Variants in NCKAP5 observed in about 807,000 individuals in gnomAD.
The protein encoded by NCKAP5 is NCK associated protein 5.
NCKAP5 carries 92 observed loss-of-function variants against 167.0 expected under a neutral mutation model. That is an observed-to-expected ratio of 0.55 (90% confidence interval 0.47 to 0.66). The LOEUF (loss-of-function observed/expected upper bound fraction) is 0.66, where lower values mean the gene tolerates loss of function less well. NCKAP5 is among the 30% of genes least tolerant of loss of function. The pLI is 0.00. For missense variants in NCKAP5, 2,378 were observed against 2,315.0 expected, an observed-to-expected ratio of 1.03 and a Z score of -0.56; for synonymous variants, 891 against 877.4, an observed-to-expected ratio of 1.02 and a Z score of -0.27.
chr2:133,624,820 T>C, the NCKAP5 span, among the ~76,000 whole-genome samples: 1 of 152,174 alleles, frequency 6.6e-6, no homozygotes, highest in East Asian at 1.9e-4. Flanking sequence ...CACATATATA[T>C]CATATTCTTT....
intron 16 of NCKAP5, among the ~76,000 whole-genome samples, chr2:132,755,544 C>G (rs1680464908): frequency 6.6e-6 from 1 of 151,942 alleles, no homozygotes; most frequent in Non-Finnish European, 1.5e-5. Context: ...TTAATAATAA[C>G]TATAGGCCGG....
At chr2:133,029,469 G>C (rs550971651) in intron 6 of NCKAP5, among the ~76,000 whole-genome samples, 18 of 152,222 alleles carry the variant, frequency 1.2e-4, no homozygotes, top group Admixed American at 3.9e-4. Flanking sequence ...GGGGAGCAGG[G>C]GGAGGTTCAT....
At chr2:133,141,830 A>T (rs1040596214) in intron 5 of NCKAP5, among the ~76,000 whole-genome samples, 1 of 152,202 alleles carries the variant, frequency 6.6e-6, no homozygotes, top group African/African-American at 2.4e-5. Context: ...TGAGAAACCT[A>T]AAAATTTTAA....
intron 6 of NCKAP5, among the ~76,000 whole-genome samples, chr2:133,106,583 T>C (rs1427843833): frequency 1.3e-5 from 2 of 152,170 alleles, no homozygotes; most frequent in Non-Finnish European, 2.9e-5. Flanking sequence ...TCTGAAAACA[T>C]GTGAAGAGTG....
chr2:133,033,239 G>T lies in NCKAP5; in HGVS notation c.342-39000C>A, dbSNP rs530711158. Reference sequence around the variant, plus strand: ...GCCTGGTAATACAGAGAATTTTCCTGGGTCTTAATTAAGACCATCAAGGTG... The same window carrying T: ...GCCTGGTAATACAGAGAATTTTCCTTGGTCTTAATTAAGACCATCAAGGTG... On this transcript the variant is annotated intron_variant, in intron 6 of 19. Coordinates refer to ENST00000409261, the MANE Select transcript of NCKAP5 (RefSeq NM_207363.3). Among the ~76,000 whole-genome samples, 6 of 152,128 alleles carry T rather than the reference G, an allele frequency of 3.9e-5. No individual in the cohort carries two copies. The East Asian group carries it at 9.7e-4, about 25-fold the overall frequency.
Position 133,555,949 on chromosome 2 carries a change from A to C in NCKAP5, c.-62+3101T>G, listed in dbSNP as rs1237697677. ...GGAATATTATACAACAATGTGCATA[A>C]AGTTATAATTAAACACAGCAATACA... is the stretch of plus-strand genomic sequence containing the variant. On this transcript the variant is annotated intron_variant, in intron 2 of 19. Transcript: ENST00000409261. 2.6e-5 allele frequency among the ~76,000 whole-genome samples: 4 copies of C among 152,222 alleles called. No homozygotes were observed. The South Asian group carries it at 6.2e-4, about 24-fold the overall frequency.
chr2:133,095,492 C>A (rs966114964), intron 6 of NCKAP5, among the ~76,000 whole-genome samples: 1 of 152,124 alleles, frequency 6.6e-6, no homozygotes, highest in African/African-American at 2.4e-5. Flanking sequence ...TGCTTTTGCC[C>A]TTTTGAGATT....
intron 3 of NCKAP5, among the ~76,000 whole-genome samples, chr2:133,382,232 C>G (rs1686579173): frequency 6.6e-6 from 1 of 152,156 alleles, no homozygotes; most frequent in African/African-American, 2.4e-5. Context: ...GGATCATCCT[C>G]TTCTCTATAC....
intron 3 of NCKAP5, among the ~76,000 whole-genome samples, chr2:133,353,255 A>G (rs1684485728): frequency 6.6e-6 from 1 of 152,208 alleles, no homozygotes; most frequent in African/African-American, 2.4e-5. Context: ...GACATGTGGG[A>G]GGAAGTAATG....
rs1484172002 is a variant in NCKAP5 at position 132,920,791 on chromosome 2, A to G, written c.580-41875T>C. On this transcript the variant is annotated intron_variant, in intron 8 of 19. Transcript: ENST00000409261. ...TGTATGTATATATATATATATATATATATATATATATATATATATATATAT... is the reference window on the plus strand; with the variant it reads ...TGTATGTATATATATATATATATATGTATATATATATATATATATATATAT... 7.2e-4 allele frequency among the ~76,000 whole-genome samples: 64 copies of G among 88,598 alleles called. 4 individuals carry two copies. Among genetic ancestry groups the G allele is most frequent in the African/African-American group, 1.7e-3 (32 of 19,184 alleles). 58.1% of individuals were successfully genotyped at this position (88,598 alleles called of 152,430 possible).
intron 6 of NCKAP5, among the ~76,000 whole-genome samples, chr2:133,026,991 G>A (rs541079903): frequency 8.5e-5 from 13 of 152,234 alleles, no homozygotes; most frequent in African/African-American, 1.2e-4. Flanking sequence ...ATTCCAATGC[G>A]CCCTTACAAA....
chr2:132,978,571 C>T (rs995031526), intron 7 of NCKAP5, among the ~76,000 whole-genome samples: 1 of 152,150 alleles, frequency 6.6e-6, no homozygotes, highest in Non-Finnish European at 1.5e-5. Context: ...TCTATTCCTC[C>T]TCCTGAGCAC....
chr2:132,676,220 T>C (rs1684444520), intron 19 of NCKAP5, among the ~76,000 whole-genome samples: 1 of 151,540 alleles, frequency 6.6e-6, no homozygotes, highest in Admixed American at 6.6e-5. Flanking sequence ...AAATACCCAG[T>C]ATGTATACCG....
intron 12 of NCKAP5, among the ~76,000 whole-genome samples, chr2:132,796,237 C>T (rs972903768): frequency 6.6e-6 from 1 of 151,906 alleles, no homozygotes; most frequent in Non-Finnish European, 1.5e-5. Flanking sequence ...AAAGCTAACC[C>T]CAGCTAGAGA....
intron 5 of NCKAP5, among the ~76,000 whole-genome samples, chr2:133,171,265 A>G (rs1013352544): frequency 6.6e-6 from 1 of 152,214 alleles, no homozygotes; most frequent in Non-Finnish European, 1.5e-5. Context: ...AGGCCATTAC[A>G]TGCTTAATTA....
intron 5 of NCKAP5, among the ~76,000 whole-genome samples, chr2:133,148,071 A>G (rs909082469): frequency 3.9e-5 from 6 of 152,150 alleles, no homozygotes; most frequent in African/African-American, 1.4e-4. Context: ...TCATTTCCCT[A>G]AATTAAACAT....
chr2:133,120,340 T>C (rs2082211734), intron 6 of NCKAP5, among the ~76,000 whole-genome samples: 1 of 152,218 alleles, frequency 6.6e-6, no homozygotes. Context: ...CTTAACAGAA[T>C]TATTTCTCAC....
the NCKAP5 span, among the ~76,000 whole-genome samples, chr2:133,661,159 G>A: frequency 3.3e-5 from 5 of 152,250 alleles, no homozygotes; most frequent in Middle Eastern, 3.4e-3. Flanking sequence ...GAGGATTGAT[G>A]AGGGTGGTAG....
chr2:133,012,420 T>C (rs1186241620), intron 6 of NCKAP5, among the ~76,000 whole-genome samples: 1 of 152,158 alleles, frequency 6.6e-6, no homozygotes, highest in Non-Finnish European at 1.5e-5. Flanking sequence ...GCTAAGTTTT[T>C]GTATTTTTAG....
Sources: allele counts gnomAD v4.1 joint callset (sites outside exome capture counted in the v4.1 genomes callset), GRCh38; gene constraint gnomAD v4.1.1; transcripts MANE v1.5; gene names NCBI Gene and HGNC (gene_info 2026-07-23, HGNC 2026-07-21).